The following NAALADL2 variants were observed in gnomAD, a reference collection of about 807,000 sequenced individuals.
NAALADL2 encodes the protein N-acetylated alpha-linked acidic dipeptidase like 2.
A neutral mutation model predicts 87.2 loss-of-function variants in NAALADL2; 76 were observed. The observed-to-expected ratio is 0.87, with a 90% CI of 0.72 to 1.05. The LOEUF (loss-of-function observed/expected upper bound fraction) is 1.05, where lower values mean the gene tolerates loss of function less well. Ranked by LOEUF, NAALADL2 falls within the 50% of genes least tolerant of loss-of-function variation. The pLI, the probability that NAALADL2 is intolerant of heterozygous loss-of-function variation, is 0.00. For synonymous variants in NAALADL2, 354 were observed against 331.0 expected (o/e 1.07, Z -0.75); for missense variants, 1,089 against 945.8 (o/e 1.15, Z -1.99).
At chr3:175,314,086 A>AAG (rs1553857183) in intron 4 of NAALADL2, among the ~76,000 whole-genome samples, 2 of 151,416 alleles carry the variant, frequency 1.3e-5, no homozygotes, top group Non-Finnish European at 1.5e-5. Context: ...AAAAAAAAAA[A>AAG]AAAAGAAAAG....
intron 2 of NAALADL2, among the ~76,000 whole-genome samples, chr3:174,625,057 C>CTCTCTTTTTTTTTTTTTTTTTTTT (rs748895219): frequency 1.3e-5 from 1 of 78,846 alleles, no homozygotes; most frequent in Non-Finnish European, 2.2e-5. Flanking sequence ...CTCTCTCTCT[C>CTCTCTTTTTTTTTTTTTTTTTTTT]TTTTTTTTTT....
At chr3:175,349,746 T>C (rs1763545911) in intron 5 of NAALADL2, among the ~76,000 whole-genome samples, 2 of 152,112 alleles carry the variant, frequency 1.3e-5, no homozygotes, top group African/African-American at 4.8e-5. Context: ...CCCACTCTAT[T>C]TGCACCATAG....
At chr3:175,064,908 GC>G (rs1311997580) in intron 1 of NAALADL2, among the ~76,000 whole-genome samples, 1 of 152,098 alleles carries the variant, frequency 6.6e-6, no homozygotes, top group Non-Finnish European at 1.5e-5. Context: ...GTAGAAGGAA[GC>G]TTTTTTGTTA....
chr3:174,977,745 A>G (rs1744553347), intron 1 of NAALADL2, among the ~76,000 whole-genome samples: 1 of 152,150 alleles, frequency 6.6e-6, no homozygotes, highest in Non-Finnish European at 1.5e-5. Context: ...TTACAAAGAT[A>G]ATACTTATCA....
At chr3:174,652,737 A>G (rs1724502379) in intron 2 of NAALADL2, among the ~76,000 whole-genome samples, 1 of 152,324 alleles carries the variant, frequency 6.6e-6, no homozygotes, top group Admixed American at 6.5e-5. Flanking sequence ...AAAAAATCCT[A>G]TTATATTCAA....
chr3:174,562,131 A>T (rs1713696626), intron 2 of NAALADL2, among the ~76,000 whole-genome samples: 1 of 152,176 alleles, frequency 6.6e-6, no homozygotes, highest in African/African-American at 2.4e-5. Context: ...GGATTCTATC[A>T]TTTCAAATTA....
intron 2 of NAALADL2, among the ~76,000 whole-genome samples, chr3:175,099,660 C>T (rs1721778451): frequency 6.6e-6 from 1 of 152,176 alleles, no homozygotes; most frequent in Admixed American, 6.6e-5. Flanking sequence ...TGTGCTCTTA[C>T]TGGCCCACTA....
At chr3:175,571,207 G>A (rs554875158) in intron 9 of NAALADL2, among the ~76,000 whole-genome samples, 11 of 152,056 alleles carry the variant, frequency 7.2e-5, no homozygotes, top group Non-Finnish European at 1.6e-4. Context: ...AACTGTACTT[G>A]CAAAGAGCAT....
chr3:174,984,744 T>G (rs1175396348), intron 1 of NAALADL2, among the ~76,000 whole-genome samples: 1 of 152,152 alleles, frequency 6.6e-6, no homozygotes, highest in East Asian at 1.9e-4. Flanking sequence ...TTGAAGAAGG[T>G]AAATGAACTC....
rs573088489 is a variant in NAALADL2 at position 175,793,004 on chromosome 3, T to C, written c.2190-10001T>C. Among the ~76,000 whole-genome samples the C allele has an allele frequency of 1.7e-4, 26 of 152,356 alleles. No homozygotes were observed. In the East Asian group the frequency reaches 5.0e-3, roughly 29 times the overall value. On this transcript the variant is annotated intron_variant, in intron 13 of 13. Transcript: ENST00000454872. The stretch of plus-strand genomic sequence containing the variant: ...TTTTAGAATCCTGCAGGAAACTTCC[T>C]CTCAAATGTACGTGCCAACATTTGG...
At chr3:175,468,591 G>A (rs1335293959) in intron 8 of NAALADL2, among the ~76,000 whole-genome samples, 1 of 151,784 alleles carries the variant, frequency 6.6e-6, no homozygotes, top group Non-Finnish European at 1.5e-5. Context: ...TTCCAAAGAT[G>A]TATTTTGCTA....
intron 13 of NAALADL2, among the ~76,000 whole-genome samples, chr3:175,769,373 A>G (rs1749173951): frequency 6.6e-5 from 10 of 152,234 alleles, no homozygotes; most frequent in Admixed American, 5.2e-4. Context: ...AAGGAAAGAA[A>G]CATAACCTTT....
At chr3:174,560,987 A>G (rs1215928672) in intron 2 of NAALADL2, among the ~76,000 whole-genome samples, 1 of 152,194 alleles carries the variant, frequency 6.6e-6, no homozygotes, top group African/African-American at 2.4e-5. Context: ...CACCTGTTAA[A>G]GCACAGGAGG....
intron 1 of NAALADL2, among the ~76,000 whole-genome samples, chr3:175,051,806 C>A (rs569305417): frequency 2.6e-5 from 4 of 152,148 alleles, no homozygotes; most frequent in Non-Finnish European, 1.5e-5. Context: ...GAAGGTAAAG[C>A]GTGACTGTGG....
At chr3:175,001,259 G>A (rs1485457900) in intron 1 of NAALADL2, among the ~76,000 whole-genome samples, 1 of 152,178 alleles carries the variant, frequency 6.6e-6, no homozygotes, top group Non-Finnish European at 1.5e-5. Flanking sequence ...TAGAGCCTGG[G>A]AATCTGTATT....
At chr3:175,696,660 T>A (rs776837604) in intron 11 of NAALADL2, among the ~76,000 whole-genome samples, 1 of 152,114 alleles carries the variant, frequency 6.6e-6, no homozygotes, top group Non-Finnish European at 1.5e-5. Context: ...GTGAAAAGAT[T>A]CTTGGTTCAA....
chr3:175,471,692 T>A lies in NAALADL2; in HGVS notation c.1587T>A (p.Ser529Arg). Residue 529 changes from serine to arginine, a missense_variant, in exon 9 of 14, where the codon AGT becomes AGA. Transcript: ENST00000454872. ...TTGTGGCTTATATTAGCCTCCACAG[T>A]CCCATAAGGGGGAACTCTAGTCTGT... ...KNVVAYISLH[S>R]PIRGNSSLYP... The A allele has an allele frequency of 6.3e-7, 1 of 1,591,886 alleles. No individual in the cohort carries two copies. The highest frequency in any genetic ancestry group is 8.6e-7 in the Non-Finnish European group (1 of 1,161,928).
intron 2 of NAALADL2, among the ~76,000 whole-genome samples, chr3:174,716,906 A>G (rs572755115): frequency 5.9e-5 from 9 of 152,176 alleles, no homozygotes; most frequent in Non-Finnish European, 7.4e-5. Flanking sequence ...GTGGAAGAAA[A>G]AATACTGGTA....
At chr3:175,590,963 T>A (rs1721363685) in intron 10 of NAALADL2, among the ~76,000 whole-genome samples, 1 of 152,148 alleles carries the variant, frequency 6.6e-6, no homozygotes, top group Admixed American at 6.5e-5. Context: ...ATGATTAATG[T>A]TCCTGTCTAG....
Sources: gnomAD v4.1 joint callset for allele counts (sites outside exome capture counted in the v4.1 genomes callset) on GRCh38, gnomAD v4.1.1 for gene constraint, MANE v1.5 for transcripts, NCBI Gene and HGNC (gene_info 2026-07-23, HGNC 2026-07-21) for gene names.